MICU1: variants seen among roughly 807,000 people sequenced by gnomAD.
The protein encoded by MICU1 is mitochondrial calcium uptake 1, also known as calcium uptake protein 1, mitochondrial.
MICU1 carries 45 observed loss-of-function variants against 56.8 expected under a neutral mutation model. The ratio of observed to expected loss-of-function variants is 0.79; its 90% confidence interval spans 0.62 to 1.02. The LOEUF is 1.02. Ranked by LOEUF, MICU1 falls within the 50% of genes least tolerant of loss-of-function variation. MICU1 has a pLI of 0.00. For synonymous variants in MICU1, 186 were observed against 195.1 expected, an observed-to-expected ratio of 0.95 and a Z score of 0.39; for missense variants, 504 against 587.1, an observed-to-expected ratio of 0.86 and a Z score of 1.46.
chr10:72,368,193 G>A lies in MICU1; in HGVS notation c.*2C>T, dbSNP rs754950074. On this transcript the variant is annotated 3_prime_UTR_variant, in exon 12 of 12. Coordinates refer to ENST00000361114, the MANE Select transcript of MICU1 (RefSeq NM_001195518.2). ...GGAGGGGTCCCCTCTTGCAGTGTGGGGTTACTGTTTGGGTAAAGCGAAGTC... is the reference window on the plus strand; with the variant it reads ...GGAGGGGTCCCCTCTTGCAGTGTGGAGTTACTGTTTGGGTAAAGCGAAGTC... The A allele has an allele frequency of 6.2e-7, 1 of 1,611,236 alleles. No homozygotes were observed. The highest frequency in any genetic ancestry group is 8.5e-7 in the Non-Finnish European group (1 of 1,178,600).
At chr10:72,612,011 C>CAAAAAAAAA (rs55767300) in intron 1 of MICU1, among the ~76,000 whole-genome samples, 4 of 119,958 alleles carry the variant, frequency 3.3e-5, no homozygotes, top group Admixed American at 9.4e-5. Flanking sequence ...ACCAACCAAC[C>CAAAAAAAAA]AAAAAAAAAA....
intron 8 of MICU1, among the ~76,000 whole-genome samples, chr10:72,454,934 C>G (rs1865412880): frequency 6.6e-6 from 1 of 152,096 alleles, no homozygotes; most frequent in South Asian, 2.1e-4. Context: ...CCTAATAGAT[C>G]TCAGAGTTTG....
intron 1 of MICU1, among the ~76,000 whole-genome samples, chr10:72,580,716 A>T (rs575329255): frequency 2.0e-5 from 3 of 152,290 alleles, no homozygotes; most frequent in Non-Finnish European, 4.4e-5. Flanking sequence ...ACCTCAGGTG[A>T]TCCACCCACC....
In MICU1 at chr10:72,407,727, C is replaced by T. The variant is rs142021990; in HGVS notation, c.1180+202G>A. Among the ~76,000 whole-genome samples the T allele has an allele frequency of 2.2e-4, 33 of 152,264 alleles. No homozygotes were observed. In the East Asian group the frequency reaches 5.8e-3, roughly 27 times the overall value. On this transcript the variant is annotated intron_variant, in intron 10 of 11. Coordinates refer to ENST00000361114, the MANE Select transcript of MICU1 (RefSeq NM_001195518.2). ...TAAAGATAGGCACCTGCCCAGACTA[C>T]GGCCTTAGCACAAGAAAATATATTC...
chr10:72,517,002 A>G (rs1326320421), intron 5 of MICU1, among the ~76,000 whole-genome samples: 4 of 152,348 alleles, frequency 2.6e-5, no homozygotes, highest in Non-Finnish European at 5.9e-5. Flanking sequence ...AAGTGAATTT[A>G]TAGAGTATCC....
At chr10:72,528,161 T>C (rs1774607891) in intron 5 of MICU1, among the ~76,000 whole-genome samples, 1 of 152,144 alleles carries the variant, frequency 6.6e-6, no homozygotes, top group African/African-American at 2.4e-5. Context: ...AATAAACCAC[T>C]GACAACCAAT....
chr10:72,370,225 C>T (rs1359564300), intron 11 of MICU1, among the ~76,000 whole-genome samples: 1 of 152,076 alleles, frequency 6.6e-6, no homozygotes, highest in Non-Finnish European at 1.5e-5. Context: ...AGAACAGTAA[C>T]CACTGTAATA....
intron 3 of MICU1, among the ~76,000 whole-genome samples, chr10:72,553,066 T>C (rs138090236): frequency 6.6e-5 from 10 of 152,226 alleles, no homozygotes; most frequent in African/African-American, 2.2e-4. Flanking sequence ...ACAATCTGAA[T>C]AGATTTCACA....
At chr10:72,587,150 GA>G (rs1469311762) in intron 1 of MICU1, among the ~76,000 whole-genome samples, 1 of 152,106 alleles carries the variant, frequency 6.6e-6, no homozygotes, top group African/African-American at 2.4e-5. Flanking sequence ...AAGGTTAATA[GA>G]AAAGTATCAC....
At chr10:72,380,230 C>A (rs191415004) in intron 10 of MICU1, among the ~76,000 whole-genome samples, 2 of 152,302 alleles carry the variant, frequency 1.3e-5, no homozygotes, top group East Asian at 3.9e-4. Flanking sequence ...TGAAAGATGT[C>A]TACAGGGAGC....
intron 8 of MICU1, among the ~76,000 whole-genome samples, chr10:72,472,470 C>G (rs1332650763): frequency 2.0e-5 from 3 of 152,058 alleles, no homozygotes; most frequent in African/African-American, 7.2e-5. Flanking sequence ...TTTCCTGATA[C>G]TTACTTAGCC....
chr10:72,583,803 G>A, intron 1 of MICU1, among the ~76,000 whole-genome samples: 1 of 152,070 alleles, frequency 6.6e-6, no homozygotes, highest in East Asian at 1.9e-4. Context: ...CTTCATTGAA[G>A]ACACTAGAAT....
chr10:72,384,978 C>A (rs1361275844), intron 10 of MICU1, among the ~76,000 whole-genome samples: 2 of 152,100 alleles, frequency 1.3e-5, no homozygotes, highest in African/African-American at 4.8e-5. Flanking sequence ...TGCCTTCCTG[C>A]CATGTCTTGG....
intron 1 of MICU1, among the ~76,000 whole-genome samples, chr10:72,608,571 G>A (rs936094252): frequency 9.9e-5 from 15 of 152,262 alleles, no homozygotes; most frequent in African/African-American, 2.4e-5. Flanking sequence ...ACACAAAACA[G>A]AGTATCTATT....
At chr10:72,533,922 G>A in intron 4 of MICU1, 133 bp from the exon 5 acceptor site, 1 of 607,300 alleles carries the variant, frequency 1.6e-6, no homozygotes, top group East Asian at 2.9e-5. Context: ...CCACAGGAAT[G>A]AATATTTTGC....
chr10:72,372,700 G>A (rs1403486443), intron 11 of MICU1, among the ~76,000 whole-genome samples: 3 of 151,824 alleles, frequency 2.0e-5, no homozygotes, highest in African/African-American at 7.3e-5. Context: ...AAATTAACCG[G>A]GTGTGATGGT....
chr10:72,559,874 G>A (rs1840249888), intron 3 of MICU1, among the ~76,000 whole-genome samples: 1 of 152,152 alleles, frequency 6.6e-6, no homozygotes, highest in South Asian at 2.1e-4. Flanking sequence ...CAGATCTGCG[G>A]CAACATTAGA....
chr10:72,482,475 A>T (rs74843158), intron 6 of MICU1, among the ~76,000 whole-genome samples: 1 of 152,194 alleles, frequency 6.6e-6, no homozygotes, highest in African/African-American at 2.4e-5. Flanking sequence ...TCCTCTATTC[A>T]ATGATGAGCT....
At chr10:72,535,456 A>G (rs1839609177) in intron 4 of MICU1, among the ~76,000 whole-genome samples, 2 of 152,208 alleles carry the variant, frequency 1.3e-5, no homozygotes, top group African/African-American at 2.4e-5. Context: ...CAGAGACTCA[A>G]TCCAAGAGGT....
Sources: gnomAD v4.1 joint callset for allele counts (sites outside exome capture counted in the v4.1 genomes callset) on GRCh38, gnomAD v4.1.1 for gene constraint, MANE v1.5 for transcripts, NCBI Gene and HGNC (gene_info 2026-07-23, HGNC 2026-07-21) for gene names.